ACAD11: variants seen among roughly 807,000 people sequenced by gnomAD.
The protein encoded by ACAD11 is acyl-CoA dehydrogenase family member 11, also known as acyl-Coenzyme A dehydrogenase family, member 11.
A neutral mutation model predicts 102.2 loss-of-function variants in ACAD11; 83 were observed. The observed-to-expected ratio is 0.81, with a 90% confidence interval of 0.68 to 0.97. ACAD11 has a LOEUF of 0.97. ACAD11 is among the 50% of genes least tolerant of loss of function. ACAD11 has a pLI of 0.00. For missense variants in ACAD11, 901 were observed against 951.7 expected (o/e 0.95, Z 0.70); for synonymous variants, 324 against 319.8 (o/e 1.01, Z -0.14).
Position 132,603,231 on chromosome 3 carries a change from C to G in ACAD11, c.1619G>C (p.Ser540Thr). 6.2e-7 allele frequency: 1 copy of G among 1,613,826 alleles called. No homozygotes were observed. ...AAAAAATTAGGCTGAACACTCACCA[C>G]TGCTCCACCATTTTTTGCCGTTAAT... is the stretch of plus-strand genomic sequence containing the variant. ...YVINGKKWWS[S>T]GAGNPKCKIA... Residue 540 changes from serine (S) to threonine (T), a missense_variant and splice_region_variant, in exon 13 of 20, where the codon AGT (serine) becomes ACT (threonine). Physicochemically the swap from Ser to Thr is moderately conservative, Grantham distance 58. Coordinates refer to ENST00000264990, the MANE Select transcript of ACAD11 (RefSeq NM_032169.5).
At position 132,581,762 on chromosome 3, in the gene ACAD11, G is replaced by C. The variant is rs539201754; in HGVS notation, c.1622-2204C>G. 8.4e-4 allele frequency among the ~76,000 whole-genome samples: 127 copies of C among 152,060 alleles called. 1 individual carries two copies. Among genetic ancestry groups the C allele is most frequent in the Non-Finnish European group, 1.3e-3 (91 of 67,858 alleles). ...AGCATTCTAATTGACCTTGATTCTA[G>C]AAACAGTCCTCAGAATGGCCCAGGT... On this transcript the variant is annotated intron_variant, in intron 13 of 19. Coordinates refer to ENST00000264990, the MANE Select transcript of ACAD11 (RefSeq NM_032169.5).
intron 13 of ACAD11, among the ~76,000 whole-genome samples, chr3:132,583,977 A>C (rs752943439): frequency 6.6e-6 from 1 of 152,192 alleles, no homozygotes; most frequent in East Asian, 1.9e-4. Flanking sequence ...CTTTACTTCC[A>C]ACTATGTGGT....
At chr3:132,617,702 C>A (rs1939460149) in intron 11 of ACAD11, among the ~76,000 whole-genome samples, 1 of 152,208 alleles carries the variant, frequency 6.6e-6, no homozygotes, top group African/African-American at 2.4e-5. Context: ...CTAATCTGCA[C>A]AAAATTCCCA....
intron 8 of ACAD11, among the ~76,000 whole-genome samples, chr3:132,628,082 A>G (rs1939896397): frequency 6.6e-6 from 1 of 152,216 alleles, no homozygotes; most frequent in South Asian, 2.1e-4. Flanking sequence ...AACACTTGAG[A>G]GTTTTATCTA....
intron 11 of ACAD11, among the ~76,000 whole-genome samples, chr3:132,608,968 GA>G (rs1476575684): frequency 1.3e-5 from 2 of 152,144 alleles, no homozygotes; most frequent in Non-Finnish European, 2.9e-5. Context: ...AATCAAATTA[GA>G]ACTCAGGATT....
chr3:132,612,644 A>C (rs917771125), intron 11 of ACAD11, among the ~76,000 whole-genome samples: 1 of 152,110 alleles, frequency 6.6e-6, no homozygotes, highest in Non-Finnish European at 1.5e-5. Context: ...ATCACTGGCT[A>C]TCAGAGAAAT....
intron 11 of ACAD11, among the ~76,000 whole-genome samples, chr3:132,607,458 A>G (rs971062135): frequency 6.6e-6 from 1 of 152,226 alleles, no homozygotes; most frequent in African/African-American, 2.4e-5. Context: ...AAAACACAGC[A>G]CGAGAACTTC....
intron 14 of ACAD11, 193 bp from the exon 15 acceptor site, chr3:132,579,074 A>G (rs534836487): frequency 6.7e-7 from 1 of 1,488,984 alleles, no homozygotes; most frequent in South Asian, 1.2e-5. Flanking sequence ...AGAAACAATG[A>G]TTTGAAAATA....
chr3:132,656,604 C>T (rs1210292788), intron 1 of ACAD11, among the ~76,000 whole-genome samples: 1 of 152,012 alleles, frequency 6.6e-6, no homozygotes, highest in Non-Finnish European at 1.5e-5. Flanking sequence ...AGCAATTCTC[C>T]TGCCTCAGCC....
chr3:132,613,379 T>C (rs1454357647), intron 11 of ACAD11, among the ~76,000 whole-genome samples: 1 of 150,118 alleles, frequency 6.7e-6, no homozygotes, highest in Non-Finnish European at 1.5e-5. Flanking sequence ...AGTATAATAA[T>C]AATAAAAATA....
intron 13 of ACAD11, among the ~76,000 whole-genome samples, chr3:132,596,717 G>C (rs1938324250): frequency 6.6e-6 from 1 of 152,176 alleles, no homozygotes. Flanking sequence ...AGAGTTTAAA[G>C]CCATGGGAAA....
chr3:132,616,476 A>G (rs1473255643), intron 11 of ACAD11, among the ~76,000 whole-genome samples: 2 of 152,238 alleles, frequency 1.3e-5, no homozygotes, highest in East Asian at 3.8e-4. Flanking sequence ...ATGAAATAGA[A>G]CAAAATAGAA....
intron 17 of ACAD11, among the ~76,000 whole-genome samples, chr3:132,566,423 A>T (rs961772053): frequency 3.3e-5 from 5 of 152,174 alleles, no homozygotes; most frequent in Non-Finnish European, 5.9e-5. Flanking sequence ...TGAAGAAACA[A>T]TGGTTGAAAA....
intron 11 of ACAD11, among the ~76,000 whole-genome samples, chr3:132,608,323 C>A (rs1386962192): frequency 6.6e-6 from 1 of 152,172 alleles, no homozygotes; most frequent in African/African-American, 2.4e-5. Context: ...TAAAGACACA[C>A]ACTGGCAAAT....
intron 5 of ACAD11, among the ~76,000 whole-genome samples, chr3:132,632,409 T>C (rs1940085285): frequency 6.6e-6 from 1 of 152,200 alleles, no homozygotes; most frequent in South Asian, 2.1e-4. Flanking sequence ...TTATGTTCAT[T>C]TGGCTGTACA....
intron 5 of ACAD11, among the ~76,000 whole-genome samples, chr3:132,632,785 A>G (rs548252976): frequency 1.5e-4 from 23 of 152,042 alleles, no homozygotes; most frequent in Non-Finnish European, 1.8e-4. Context: ...CCTTGAAGAG[A>G]TCCTTCACAT....
At chr3:132,593,875 T>A (rs530107481) in intron 13 of ACAD11, among the ~76,000 whole-genome samples, 47 of 152,270 alleles carry the variant, frequency 3.1e-4, no homozygotes, top group African/African-American at 1.1e-3. Context: ...CTAAGGAATA[T>A]GAGAAGTAGA....
intron 4 of ACAD11, among the ~76,000 whole-genome samples, chr3:132,641,557 T>TGAAGAA (rs1347083217): frequency 8.3e-4 from 84 of 100,882 alleles, no homozygotes; most frequent in Non-Finnish European, 1.3e-3. Flanking sequence ...ATGATGATGA[T>TGAAGAA]GATGAAGAAG....
At chr3:132,643,645 G>A (rs1033464109) in intron 2 of ACAD11, among the ~76,000 whole-genome samples, 40 of 152,160 alleles carry the variant, frequency 2.6e-4, no homozygotes, top group African/African-American at 9.4e-4. Flanking sequence ...GGAAAGTAAC[G>A]AAACCCATGT....
Sources: gnomAD v4.1 joint callset for allele counts (sites outside exome capture counted in the v4.1 genomes callset) on GRCh38, gnomAD v4.1.1 for gene constraint, MANE v1.5 for transcripts, NCBI Gene and HGNC (gene_info 2026-07-23, HGNC 2026-07-21) for gene names.